The following LPP variants were observed in gnomAD, a reference collection of about 807,000 sequenced individuals.
LPP encodes lipoma-preferred partner.
LPP carries 38 observed loss-of-function variants against 60.4 expected under a neutral mutation model. The observed-to-expected ratio is 0.63, with a 90% CI of 0.49 to 0.83. The LOEUF is 0.83. Among genes scored for constraint, LPP ranks in the 40% least tolerant of loss-of-function variants. The pLI is 0.00. For synonymous variants in LPP, 328 were observed against 290.8 expected (o/e 1.13, Z -1.30); for missense variants, 902 against 783.6 (o/e 1.15, Z -1.80).
chr3:188,235,205 G>A (rs1051976924), intron 2 of LPP, among the ~76,000 whole-genome samples: 2 of 152,192 alleles, frequency 1.3e-5, no homozygotes, highest in Admixed American at 6.5e-5. Flanking sequence ...GCTGTGGAAC[G>A]GGTGCAAACT....
intron 9 of LPP, among the ~76,000 whole-genome samples, chr3:188,798,160 A>G (rs370243244): frequency 1.3e-5 from 2 of 152,360 alleles, no homozygotes; most frequent in African/African-American, 2.4e-5. Context: ...GACAAATTTA[A>G]TAGTGAATAC....
intron 3 of LPP, among the ~76,000 whole-genome samples, chr3:188,375,653 C>A (rs1016507827): frequency 1.3e-5 from 2 of 152,074 alleles, no homozygotes; most frequent in Admixed American, 6.6e-5. Flanking sequence ...TTTAAAAAAA[C>A]CAGCTCCTGG....
rs183387901 is a variant in LPP, at chr3:188,448,225, T to C, written c.194-36367T>C. Reference sequence around the variant, plus strand: ...CTTGGGTTCAAGTTATGATTTTGCATTTAGGAGGTTTGGGAACGTGGACAA... The same window carrying C: ...CTTGGGTTCAAGTTATGATTTTGCACTTAGGAGGTTTGGGAACGTGGACAA... On this transcript the variant is annotated intron_variant, in intron 4 of 11. Coordinates refer to ENST00000617246, the MANE Select transcript of LPP (RefSeq NM_001375462.1). 3.0e-4 allele frequency among the ~76,000 whole-genome samples: 46 copies of C among 152,270 alleles called. No homozygotes were observed. The East Asian group carries it at 8.3e-3, about 28-fold the overall frequency.
intron 9 of LPP, among the ~76,000 whole-genome samples, chr3:188,844,742 AG>A (rs1761004648): frequency 6.6e-6 from 1 of 152,202 alleles, no homozygotes; most frequent in African/African-American, 2.4e-5. Flanking sequence ...AGAAATTTAG[AG>A]GGCTAAATTT....
At chr3:188,461,455 A>G (rs1256612469) in intron 4 of LPP, among the ~76,000 whole-genome samples, 1 of 152,232 alleles carries the variant, frequency 6.6e-6, no homozygotes, top group Non-Finnish European at 1.5e-5. Flanking sequence ...CAATATACGT[A>G]TCAAATGCAT....
At chr3:188,715,758 C>T (rs1268714009) in intron 8 of LPP, among the ~76,000 whole-genome samples, 4 of 152,038 alleles carry the variant, frequency 2.6e-5, no homozygotes, top group Admixed American at 6.6e-5. Flanking sequence ...TAAGAGAAAG[C>T]GTGTTTGTAT....
At chr3:188,696,830 T>C (rs1464923713) in intron 7 of LPP, among the ~76,000 whole-genome samples, 1 of 152,198 alleles carries the variant, frequency 6.6e-6, no homozygotes, top group African/African-American at 2.4e-5. Context: ...CCTGACTGGA[T>C]TATAAATTCT....
chr3:188,359,268 A>G (rs1181851211), intron 3 of LPP, among the ~76,000 whole-genome samples: 1 of 152,212 alleles, frequency 6.6e-6, no homozygotes, highest in Non-Finnish European at 1.5e-5. Context: ...TCAGTTAGAA[A>G]GCAAGCTGCA....
In LPP at chr3:188,804,243, T is replaced by TTTTA. The variant is rs1322626096; in HGVS notation, c.1410+43962_1410+43963insTTAT. ...ATTATGTTTTCAATGTAGTGCATCT[T>TTTTA]TATATATATATATATATATATATAT... On this transcript the variant is annotated intron_variant, in intron 9 of 11. Transcript: ENST00000617246. Among the ~76,000 whole-genome samples the TTTTA allele has an allele frequency of 8.2e-4, 31 of 37,710 alleles. 1 individual carries two copies. The highest frequency in any genetic ancestry group is 3.4e-3 in the African/African-American group (30 of 8,842). The allele number at this position is 37,710 out of a possible 152,430, so 24.7% of individuals were successfully genotyped here.
intron 2 of LPP, among the ~76,000 whole-genome samples, chr3:188,289,800 G>T (rs1018694031): frequency 6.6e-6 from 1 of 152,156 alleles, no homozygotes; most frequent in African/African-American, 2.4e-5. Flanking sequence ...ACCCTACTAT[G>T]CTTCTTAGTG....
At chr3:188,498,188 A>C (rs1297269518) in intron 5 of LPP, among the ~76,000 whole-genome samples, 1 of 152,126 alleles carries the variant, frequency 6.6e-6, no homozygotes, top group Non-Finnish European at 1.5e-5. Context: ...AATTATGGTA[A>C]AATACACATA....
At chr3:188,756,302 C>T (rs955748320) in intron 8 of LPP, among the ~76,000 whole-genome samples, 1 of 152,250 alleles carries the variant, frequency 6.6e-6, no homozygotes, top group African/African-American at 2.4e-5. Flanking sequence ...GACAAAGTTC[C>T]CCATCGGCTG....
intron 2 of LPP, among the ~76,000 whole-genome samples, chr3:188,327,726 G>A (rs1397192652): frequency 1.3e-5 from 2 of 152,174 alleles, no homozygotes; most frequent in Non-Finnish European, 2.9e-5. Context: ...GCGTCTGAAA[G>A]TAGAGATGAG....
chr3:188,367,978 T>A (rs999562647), intron 3 of LPP, among the ~76,000 whole-genome samples: 8 of 152,210 alleles, frequency 5.3e-5, no homozygotes, highest in African/African-American at 1.9e-4. Context: ...TAATCTTGTG[T>A]GAAATATAAA....
At chr3:188,218,934 G>A (rs1714729898) in intron 1 of LPP, among the ~76,000 whole-genome samples, 1 of 152,174 alleles carries the variant, frequency 6.6e-6, no homozygotes, top group Non-Finnish European at 1.5e-5. Flanking sequence ...ACAAAAAGAT[G>A]TAATGACTTG....
Position 188,824,770 on chromosome 3 carries a change from A to G in LPP, c.1411-41430A>G, listed in dbSNP as rs186814693. 5.6e-4 allele frequency among the ~76,000 whole-genome samples: 86 copies of G among 152,270 alleles called. 1 individual carries two copies. Among genetic ancestry groups the G allele is most frequent in the Admixed American group, 1.4e-3 (22 of 15,294 alleles). ...AGTGCCGTCAGAATCGTTAAGTACC[A>G]TATGTCCAGTGTCATCTTTGGCACA... is the stretch of plus-strand genomic sequence containing the variant. On this transcript the variant is annotated intron_variant, in intron 9 of 11. Coordinates refer to ENST00000617246, the MANE Select transcript of LPP (RefSeq NM_001375462.1).
intron 6 of LPP, among the ~76,000 whole-genome samples, chr3:188,592,908 C>G (rs796145678): frequency 6.1e-4 from 92 of 152,022 alleles, no homozygotes; most frequent in African/African-American, 2.1e-3. Context: ...GTCTAAGAAA[C>G]AATGAATAAT....
chr3:188,674,905 A>G (rs1333085176), intron 7 of LPP, among the ~76,000 whole-genome samples: 2 of 152,228 alleles, frequency 1.3e-5, no homozygotes, highest in Admixed American at 1.3e-4. Context: ...TTATTATCAC[A>G]GGACATGCAT....
At chr3:188,835,786 C>T (rs1044628547) in intron 9 of LPP, among the ~76,000 whole-genome samples, 10 of 152,164 alleles carry the variant, frequency 6.6e-5, no homozygotes, top group Admixed American at 3.3e-4. Context: ...AGAGGCTGTG[C>T]CCATTCTTAC....
Sources: allele counts gnomAD v4.1 joint callset (sites outside exome capture counted in the v4.1 genomes callset), GRCh38; gene constraint gnomAD v4.1.1; transcripts MANE v1.5; gene names NCBI Gene and HGNC (gene_info 2026-07-23, HGNC 2026-07-21).